RADIL: variants seen among roughly 807,000 people sequenced by gnomAD.
RADIL encodes the protein Rap associating with DIL domain.
Under a neutral mutation model 97.6 loss-of-function variants are expected in RADIL, and 99 were observed. The observed-to-expected ratio is 1.01, with a 90% CI of 0.86 to 1.20. The LOEUF (loss-of-function observed/expected upper bound fraction) is 1.20, where lower values mean the gene tolerates loss of function less well. Ranked by LOEUF, RADIL falls within the 50% of genes most tolerant of loss-of-function variation. The probability of loss-of-function intolerance (pLI) is 0.00; values close to 1 mark genes in which losing one functional copy is unlikely to be tolerated. For missense variants in RADIL, 1,765 were observed against 1,498.9 expected (o/e 1.18, Z -2.93); for synonymous variants, 803 against 691.8 (o/e 1.16, Z -2.52).
At chr7:4,831,866 G>A (rs960479818) in intron 5 of RADIL, among the ~76,000 whole-genome samples, 4 of 149,920 alleles carry the variant, frequency 2.7e-5, no homozygotes, top group South Asian at 2.2e-4. Flanking sequence ...CCAGCCTGGC[G>A]ATAGAGCAAA....
rs561382464 is a variant in RADIL at position 4,864,293 on chromosome 7, A to C, written c.535+13312T>G. On this transcript the variant is annotated intron_variant, in intron 2 of 14. Coordinates refer to ENST00000399583, the MANE Select transcript of RADIL (RefSeq NM_018059.5). ...ACATGTCTGGCCAGTCCTCAGTCAAATTTGCTGATTCCTCCTCCTTTACTT... is the reference window on the plus strand; with the variant it reads ...ACATGTCTGGCCAGTCCTCAGTCAACTTTGCTGATTCCTCCTCCTTTACTT... Among the ~76,000 whole-genome samples, 23 of 152,180 alleles carry C rather than the reference A, an allele frequency of 1.5e-4. 1 individual carries two copies. The South Asian group carries it at 4.8e-3, about 32-fold the overall frequency.
intron 2 of RADIL, among the ~76,000 whole-genome samples, chr7:4,876,516 G>C (rs1393896589): frequency 1.3e-5 from 2 of 151,836 alleles, no homozygotes; most frequent in East Asian, 3.9e-4. Flanking sequence ...GGCCAGGCTG[G>C]TCTCCAACTC....
intron 9 of RADIL, chr7:4,808,628 C>A (rs1431172648): frequency 2.0e-5 from 20 of 985,252 alleles, no homozygotes; most frequent in Non-Finnish European, 2.4e-5. Flanking sequence ...CCCCGCGGCC[C>A]TGGTCTCTCC....
At chr7:4,827,645 G>A (rs543051789) in intron 5 of RADIL, among the ~76,000 whole-genome samples, 182 of 152,178 alleles carry the variant, frequency 1.2e-3, no homozygotes, top group African/African-American at 3.5e-3. Context: ...TGGGGGACAG[G>A]GCGAGTCTCC....
chr7:4,852,699 C>G (rs534257236), intron 2 of RADIL, among the ~76,000 whole-genome samples: 84 of 152,162 alleles, frequency 5.5e-4, no homozygotes, highest in Non-Finnish European at 1.1e-3. Flanking sequence ...TGTGCCACCA[C>G]ACCCTGATAA....
chr7:4,835,154 G>A lies in RADIL; in HGVS notation c.869C>T (p.Ala290Val), dbSNP rs1381816672. ...GCAGTGTAGAGGCAGGATGTCGGGG[G>A]CTGAGAGGCTGATGCTGGGCTTGCT... ...PSSKPSISLS[A>V]PDILPLHCTI... Residue 290 changes from alanine to valine, a missense_variant, in exon 4 of 15, where the codon GCC (alanine) becomes GTC (valine). Ala to Val is a moderately conservative substitution (Grantham distance 64). Coordinates refer to ENST00000399583, the MANE Select transcript of RADIL (RefSeq NM_018059.5). The surrounding 1 kb of genome is among the most constrained non-coding windows in gnomAD (Gnocchi z 5.8). 6 of 1,610,926 alleles carry A rather than the reference G, an allele frequency of 3.7e-6. No individual in the cohort carries two copies. The East Asian group carries it at 8.9e-5, about 24-fold the overall frequency.
intron 11 of RADIL, 29 bp downstream of exon 11, chr7:4,803,505 ACCTCGGGGCACG>A: frequency 7.1e-7 from 1 of 1,411,198 alleles, no homozygotes; most frequent in Non-Finnish European, 9.5e-7. Flanking sequence ...CTCCCCGGGC[ACCTCGGGGCACG>A]CTGGCTGGGG....
chr7:4,802,453 C>T (rs545666276), intron 11 of RADIL, among the ~76,000 whole-genome samples: 39 of 146,602 alleles, frequency 2.7e-4, no homozygotes, highest in African/African-American at 8.8e-4. Flanking sequence ...GCCCCCTCCC[C>T]GGGCACCTCG....
At chr7:4,827,954 T>C (rs1434670296) in intron 5 of RADIL, among the ~76,000 whole-genome samples, 2 of 150,904 alleles carry the variant, frequency 1.3e-5, no homozygotes, top group Non-Finnish European at 2.9e-5. Context: ...TAAATTCAGA[T>C]GGGAAAATCC....
intron 2 of RADIL, among the ~76,000 whole-genome samples, chr7:4,865,974 G>T (rs1228829981): frequency 1.3e-5 from 2 of 152,174 alleles, no homozygotes; most frequent in African/African-American, 4.8e-5. Flanking sequence ...TATAACCTAG[G>T]TGTGTAGTAA....
intron 11 of RADIL, among the ~76,000 whole-genome samples, chr7:4,802,591 G>A (rs1473180898): frequency 7.6e-6 from 1 of 130,822 alleles, no homozygotes; most frequent in African/African-American, 2.9e-5. Flanking sequence ...TCTAGCTGGG[G>A]GGCCCCCTCC....
intron 2 of RADIL, among the ~76,000 whole-genome samples, chr7:4,875,269 C>A (rs907054099): frequency 2.1e-5 from 3 of 142,270 alleles, no homozygotes; most frequent in Non-Finnish European, 4.5e-5. Context: ...TGGTGCATGC[C>A]GTAATCCCAG....
chr7:4,849,310 C>A lies in RADIL; in HGVS notation c.536-12705G>T, dbSNP rs1411095531. Among the ~76,000 whole-genome samples, 2 of 152,106 alleles carry A rather than the reference C, an allele frequency of 1.3e-5. No homozygotes were observed. The highest frequency in any genetic ancestry group is 3.8e-4 in the East Asian group (2 of 5,196). Reference sequence around the variant, plus strand: ...TTTAACTGTGCACATATATATATAACTTTGGTGAAAATAAGTAAAAATATT... The same window carrying A: ...TTTAACTGTGCACATATATATATAAATTTGGTGAAAATAAGTAAAAATATT... On this transcript the variant is annotated intron_variant, in intron 2 of 14. Transcript: ENST00000399583. This position sits in a 1 kb window ranked among gnomAD's most constrained non-coding sequence, Gnocchi z 5.4.
chr7:4,801,820 G>C lies in RADIL; in HGVS notation c.2675C>G (p.Ala892Gly). Residue 892 changes from alanine to glycine, a missense_variant, in exon 12 of 15, where the codon GCT becomes GGT. Coordinates refer to ENST00000399583, the MANE Select transcript of RADIL (RefSeq NM_018059.5). ...GRQPSRGGSQ[A>G]GPPHTDSSCL... ...GGACGAGTCCGTGTGCGGGGGGCCA[G>C]CCTGGGAGCCCCCACGGCTGGGTTG... The C allele has an allele frequency of 4.4e-6, 7 of 1,607,490 alleles. No homozygotes were observed. Among genetic ancestry groups the C allele is most frequent in the Non-Finnish European group, 5.9e-6 (7 of 1,177,796 alleles).
chr7:4,838,968 C>T (rs766771435), intron 2 of RADIL, among the ~76,000 whole-genome samples: 6 of 152,228 alleles, frequency 3.9e-5, no homozygotes, highest in East Asian at 3.9e-4. Flanking sequence ...CACGTGCACA[C>T]GTACATTCAG....
Position 4,837,219 on chromosome 7 carries a change from G to C in RADIL, c.536-614C>G, listed in dbSNP as rs555421895. Among the ~76,000 whole-genome samples the C allele has an allele frequency of 7.2e-5, 11 of 152,124 alleles. No homozygotes were observed. The highest frequency in any genetic ancestry group is 2.4e-4 in the African/African-American group (10 of 41,432). ...CTGCAGCAGCCCAGGGTCACACCGC[G>C]GCCTGCCCGACCAGCCAGCACCACG... On this transcript the variant is annotated intron_variant, in intron 2 of 14. Transcript: ENST00000399583. The surrounding 1 kb of genome is among the most constrained non-coding windows in gnomAD (Gnocchi z 5.6).
rs1026748539 is a variant in RADIL at position 4,822,787 on chromosome 7, G to A, written c.1455-233C>T. On this transcript the variant is annotated intron_variant, in intron 5 of 14. Coordinates refer to ENST00000399583, the MANE Select transcript of RADIL (RefSeq NM_018059.5). The surrounding 1 kb of genome is among the most constrained non-coding windows in gnomAD (Gnocchi z 5.3). ...AAACCTAGCAGGAAGACAGCTGGGC[G>A]CCACAGCCATTGGTAAAAAACCTCG... is the stretch of plus-strand genomic sequence containing the variant. Among the ~76,000 whole-genome samples the A allele has an allele frequency of 6.6e-6, 1 of 152,128 alleles. No individual in the cohort carries two copies. Among genetic ancestry groups the A allele is most frequent in the Non-Finnish European group, 1.5e-5 (1 of 68,030 alleles).
Position 4,878,294 on chromosome 7 carries a change from A to C in RADIL, c.-64-91T>G. ...GGCGGTGACTCCTGCCCGTCATCCC[A>C]GCGCTTTAGAAGGCCAAGGTGGGAG... On this transcript the variant is annotated intron_variant, in intron 1 of 14. Coordinates refer to ENST00000399583, the MANE Select transcript of RADIL (RefSeq NM_018059.5). This position sits in a 1 kb window ranked among gnomAD's most constrained non-coding sequence, Gnocchi z 4.1. 1.3e-6 allele frequency: 1 copy of C among 783,578 alleles called. No homozygotes were observed. Among genetic ancestry groups the C allele is most frequent in the East Asian group, 3.0e-5 (1 of 33,778 alleles). 48.5% of individuals were successfully genotyped at this position (783,578 alleles called of 1,614,324 possible). A position where few individuals can be genotyped will look rare whatever the true frequency, so the allele number is the denominator to read the frequency against.
intron 6 of RADIL, among the ~76,000 whole-genome samples, chr7:4,820,709 C>T (rs1345875797): frequency 1.3e-5 from 2 of 152,186 alleles, no homozygotes; most frequent in Non-Finnish European, 2.9e-5. Flanking sequence ...GGAGCGGGGG[C>T]CCCACCCCAC....
Sources: allele counts gnomAD v4.1 joint callset (sites outside exome capture counted in the v4.1 genomes callset), GRCh38; gene constraint gnomAD v4.1.1; non-coding constraint Gnocchi (gnomAD v3.1); transcripts MANE v1.5; gene names NCBI Gene and HGNC (gene_info 2026-07-23, HGNC 2026-07-21).